ZSWIM5: variants seen among roughly 807,000 people sequenced by gnomAD.
The protein encoded by ZSWIM5 is zinc finger SWIM-type containing 5.
A neutral mutation model predicts 119.6 loss-of-function variants in ZSWIM5; 55 were observed. The ratio of observed to expected loss-of-function variants is 0.46; its 90% CI spans 0.37 to 0.58. The LOEUF (loss-of-function observed/expected upper bound fraction) is 0.58, where lower values mean the gene tolerates loss of function less well. Ranked by LOEUF, ZSWIM5 falls within the 20% of genes least tolerant of loss-of-function variation. The pLI, the probability that ZSWIM5 is intolerant of heterozygous loss-of-function variation, is 0.00. For missense variants in ZSWIM5, 1,193 were observed against 1,512.8 expected, an observed-to-expected ratio of 0.79 and a Z score of 3.51; for synonymous variants, 537 against 606.9, an observed-to-expected ratio of 0.88 and a Z score of 1.69.
chr1:45,162,857 G>A (rs1327717786), intron 1 of ZSWIM5, among the ~76,000 whole-genome samples: 1 of 152,240 alleles, frequency 6.6e-6, no homozygotes, highest in Non-Finnish European at 1.5e-5. Flanking sequence ...ACAGCTCAAG[G>A]AGGCCTGCCT....
intron 1 of ZSWIM5, among the ~76,000 whole-genome samples, chr1:45,180,737 T>A (rs1385951971): frequency 1.3e-5 from 2 of 152,032 alleles, no homozygotes; most frequent in Non-Finnish European, 2.9e-5. Flanking sequence ...GAGACAAAGC[T>A]TCCAGAGGAA....
chr1:45,018,253 C>T lies in ZSWIM5; in HGVS notation c.*201G>A, dbSNP rs1644866637. The T allele has an allele frequency of 3.0e-6, 2 of 659,820 alleles. No homozygotes were observed. Among genetic ancestry groups the T allele is most frequent in the Non-Finnish European group, 5.1e-6 (2 of 394,934 alleles). 40.9% of individuals were successfully genotyped at this position (659,820 alleles called of 1,614,324 possible). A position where few individuals can be genotyped will look rare whatever the true frequency, so the allele number is the denominator to read the frequency against. ...CTGCAGGGCCCAGCTCCTCCATGAACAGTAGGCTGTAGTCAGAAGCTTGCC... is the reference window on the plus strand; with the variant it reads ...CTGCAGGGCCCAGCTCCTCCATGAATAGTAGGCTGTAGTCAGAAGCTTGCC... On this transcript the variant is annotated 3_prime_UTR_variant, in exon 14 of 14. Coordinates refer to ENST00000359600, the MANE Select transcript of ZSWIM5 (RefSeq NM_020883.2). This position sits in a 1 kb window ranked among gnomAD's most constrained non-coding sequence, Gnocchi z 6.7.
chr1:45,148,332 T>A (rs1366053189), intron 1 of ZSWIM5, among the ~76,000 whole-genome samples: 1 of 152,126 alleles, frequency 6.6e-6, no homozygotes, highest in Non-Finnish European at 1.5e-5. Context: ...TTCAATCACA[T>A]GATTCAGGAT....
chr1:45,147,215 C>G (rs111616481), intron 1 of ZSWIM5, among the ~76,000 whole-genome samples: 6 of 152,082 alleles, frequency 3.9e-5, no homozygotes, highest in African/African-American at 1.4e-4. Flanking sequence ...CTGGGACCAA[C>G]AGGCATTCAC....
Position 45,020,073 on chromosome 1 carries a change from T to C in ZSWIM5, c.2688A>G (p.Thr896=). The part of the protein sequence containing the change: ...EMVRWLVTCA[T]EVGVRALVSI... ...GGGAGGTGGGAGACTCACCCACTTCTGTAGCACAGGTCACCAACCATCGTA... is the reference window on the plus strand; with the variant it reads ...GGGAGGTGGGAGACTCACCCACTTCCGTAGCACAGGTCACCAACCATCGTA... Residue 896 remains threonine (T), a synonymous_variant, in exon 13 of 14, where the codon ACA becomes ACG. Coordinates refer to ENST00000359600, the MANE Select transcript of ZSWIM5 (RefSeq NM_020883.2). 6.2e-7 allele frequency: 1 copy of C among 1,613,630 alleles called. No individual in the cohort carries two copies. Among genetic ancestry groups the C allele is most frequent in the Non-Finnish European group, 8.5e-7 (1 of 1,179,850 alleles).
At chr1:45,198,215 A>T (rs962013345) in intron 1 of ZSWIM5, among the ~76,000 whole-genome samples, 2 of 152,248 alleles carry the variant, frequency 1.3e-5, no homozygotes, top group Admixed American at 6.5e-5. Flanking sequence ...AGATCAGCTA[A>T]TAAGAGCAGG....
intron 4 of ZSWIM5, among the ~76,000 whole-genome samples, chr1:45,056,411 G>A (rs544858567): frequency 7.2e-5 from 11 of 152,170 alleles, no homozygotes; most frequent in African/African-American, 2.6e-4. Flanking sequence ...TGGCCAACAT[G>A]GTGAAACCCC....
At chr1:45,161,944 C>T (rs1285955744) in intron 1 of ZSWIM5, among the ~76,000 whole-genome samples, 1 of 152,166 alleles carries the variant, frequency 6.6e-6, no homozygotes, top group African/African-American at 2.4e-5. Flanking sequence ...TCTATTCAAT[C>T]CATCTCCCAC....
chr1:45,053,649 G>C (rs1433420475), intron 4 of ZSWIM5, among the ~76,000 whole-genome samples: 1 of 149,628 alleles, frequency 6.7e-6, no homozygotes, highest in East Asian at 2.0e-4. Flanking sequence ...TATAATCCCA[G>C]TTACTCAGGT....
chr1:45,038,187 T>C (rs1290595260), intron 8 of ZSWIM5, among the ~76,000 whole-genome samples: 3 of 152,228 alleles, frequency 2.0e-5, no homozygotes, highest in African/African-American at 7.2e-5. Flanking sequence ...TATTCTCCTC[T>C]ATTTCTTATT....
At chr1:45,197,135 A>G (rs2356302) in intron 1 of ZSWIM5, among the ~76,000 whole-genome samples, 50,647 of 152,092 alleles carry the variant, frequency 0.33, 9,644 homozygotes, top group African/African-American at 0.53. Flanking sequence ...TGCATACATG[A>G]ACCTGTTTGG....
At chr1:45,176,134 A>ATATATATATATAATATATAT (rs1645979756) in intron 1 of ZSWIM5, among the ~76,000 whole-genome samples, 4 of 148,200 alleles carry the variant, frequency 2.7e-5, no homozygotes, top group African/African-American at 9.8e-5. Flanking sequence ...ACTGAATGCC[A>ATATATATATATAATATATAT]TATATATATA....
chr1:45,159,296 G>T (rs990826941), intron 1 of ZSWIM5, among the ~76,000 whole-genome samples: 1 of 151,914 alleles, frequency 6.6e-6, no homozygotes, highest in Non-Finnish European at 1.5e-5. Flanking sequence ...AAAATTTCAA[G>T]TTCTGGATCC....
At chr1:45,111,707 T>G (rs1201009920) in intron 1 of ZSWIM5, among the ~76,000 whole-genome samples, 8 of 152,278 alleles carry the variant, frequency 5.3e-5, no homozygotes, top group Non-Finnish European at 2.9e-5. Flanking sequence ...TATCTTACGC[T>G]GTATCAATCT....
At chr1:45,030,621 T>C (rs1644947220) in intron 11 of ZSWIM5, among the ~76,000 whole-genome samples, 1 of 152,210 alleles carries the variant, frequency 6.6e-6, no homozygotes, top group Non-Finnish European at 1.5e-5. Context: ...ATCTGTGTTG[T>C]TGAATTTACT....
At chr1:45,079,577 T>C (rs764687233) in intron 2 of ZSWIM5, among the ~76,000 whole-genome samples, 3 of 152,124 alleles carry the variant, frequency 2.0e-5, no homozygotes, top group Non-Finnish European at 4.4e-5. Context: ...AGTCCTGGAA[T>C]AAAGGACCCC....
At chr1:45,157,891 T>C (rs2149040234) in intron 1 of ZSWIM5, among the ~76,000 whole-genome samples, 1 of 152,276 alleles carries the variant, frequency 6.6e-6, no homozygotes, top group Non-Finnish European at 1.5e-5. Context: ...CTCGTTGTGG[T>C]TTTAATTTAC....
rs113760063 is a variant in ZSWIM5 at position 45,205,271 on chromosome 1, C to T, written c.595+485G>A. On this transcript the variant is annotated intron_variant, in intron 1 of 13. Coordinates refer to ENST00000359600, the MANE Select transcript of ZSWIM5 (RefSeq NM_020883.2). ...CGCAGACAATTAAAACTGTCTGAAA[C>T]ATGCAGTATTTTGTTGGGGCTTTTT... Among the ~76,000 whole-genome samples the T allele has an allele frequency of 7.5e-3, 1,147 of 152,184 alleles. 14 individuals are homozygous for T. Among genetic ancestry groups the T allele is most frequent in the African/African-American group, 0.026 (1,099 of 41,508 alleles).
At chr1:45,121,938 A>G (rs1467633105) in intron 1 of ZSWIM5, among the ~76,000 whole-genome samples, 2 of 152,130 alleles carry the variant, frequency 1.3e-5, no homozygotes, top group Non-Finnish European at 2.9e-5. Context: ...TTCTCTGTCT[A>G]TCCAAATTCC....
Sources: gnomAD v4.1 joint callset for allele counts (sites outside exome capture counted in the v4.1 genomes callset) on GRCh38, gnomAD v4.1.1 for gene constraint, Gnocchi (gnomAD v3.1) non-coding constraint, MANE v1.5 for transcripts, NCBI Gene and HGNC (gene_info 2026-07-23, HGNC 2026-07-21) for gene names.